The following CYFIP2 variants were observed in gnomAD, a reference collection of about 807,000 sequenced individuals.
CYFIP2 encodes the protein cytoplasmic FMR1 interacting protein 2, also known as cytoplasmic FMR1-interacting protein 2.
In CYFIP2, 29 loss-of-function variants were observed where a neutral mutation model predicts 158.7. That is an observed-to-expected ratio of 0.18 (90% CI 0.14 to 0.25). The LOEUF is 0.25. Among genes scored for constraint, CYFIP2 ranks in the 10% least tolerant of loss-of-function variants. The pLI, the probability that CYFIP2 is intolerant of heterozygous loss-of-function variation, is 1.00. For synonymous variants in CYFIP2, 585 were observed against 617.6 expected (o/e 0.95, Z 0.78); for missense variants, 852 against 1,639.5 (o/e 0.52, Z 8.29).
rs1021613812 is a variant in CYFIP2, at chr5:157,266,848, G to C, written c.-24+653G>C. The C allele has an allele frequency of 2.6e-5, 4 of 153,204 alleles. No homozygotes were observed. Among genetic ancestry groups the C allele is most frequent in the Middle Eastern group, 3.3e-3 (1 of 306 alleles). The allele number at this position is 153,204 out of a possible 1,614,324, so 9.5% of individuals were successfully genotyped here. On this transcript the variant is annotated intron_variant, in intron 1 of 30. Coordinates refer to ENST00000620254, the MANE Select transcript of CYFIP2 (RefSeq NM_001037333.3). The surrounding 1 kb of genome is among the most constrained non-coding windows in gnomAD (Gnocchi z 4.2). ...GGGCACGGTGGAAGTGGGGGAAGGG[G>C]ATGAGTGGGCTGACTCCTGGGGGAA... is the stretch of plus-strand genomic sequence containing the variant.
rs1447265963 is a variant in CYFIP2 at position 157,361,108 on chromosome 5, G to A, written c.2909-360G>A. 1.3e-5 allele frequency among the ~76,000 whole-genome samples: 2 copies of A among 152,170 alleles called. No homozygotes were observed. The highest frequency in any genetic ancestry group is 2.9e-5 in the Non-Finnish European group (2 of 68,028). ...TTAAATGAGATATTACAGATAAAGT[G>A]CTCAGCACAATATCTGACACCTACT... On this transcript the variant is annotated intron_variant, in intron 25 of 30. Transcript: ENST00000620254. The surrounding 1 kb of genome is among the most constrained non-coding windows in gnomAD (Gnocchi z 4.4).
chr5:157,351,939 T>C (rs1189972203), intron 23 of CYFIP2, among the ~76,000 whole-genome samples: 2 of 152,202 alleles, frequency 1.3e-5, no homozygotes, highest in African/African-American at 4.8e-5. Flanking sequence ...TTTCCTCTTC[T>C]GAACAGGCCC....
At chr5:157,317,339 G>A (rs1208279157) in intron 13 of CYFIP2, among the ~76,000 whole-genome samples, 2 of 152,160 alleles carry the variant, frequency 1.3e-5, no homozygotes, top group Non-Finnish European at 2.9e-5. Flanking sequence ...CAAAGCAAAA[G>A]TAGTAACCTG....
intron 1 of CYFIP2, among the ~76,000 whole-genome samples, chr5:157,278,870 T>A (rs10463005): frequency 1.3e-5 from 2 of 152,050 alleles, no homozygotes; most frequent in African/African-American, 4.8e-5. Context: ...ACTCTCTACC[T>A]GAGTCAGCAT....
chr5:157,332,819 T>A (rs58627656), intron 20 of CYFIP2, among the ~76,000 whole-genome samples: 1 of 152,270 alleles, frequency 6.6e-6, no homozygotes, highest in East Asian at 1.9e-4. Context: ...TAATTTTTTT[T>A]ATTTTTTGTA....
chr5:157,310,712 G>A (rs1759642366), intron 10 of CYFIP2, among the ~76,000 whole-genome samples: 1 of 152,230 alleles, frequency 6.6e-6, no homozygotes, highest in South Asian at 2.1e-4. Flanking sequence ...GGGGTTGGGT[G>A]TGAGGGGCCG....
At chr5:157,320,357 C>A (rs1236302072) in intron 14 of CYFIP2, among the ~76,000 whole-genome samples, 1 of 152,190 alleles carries the variant, frequency 6.6e-6, no homozygotes, top group Non-Finnish European at 1.5e-5. Flanking sequence ...AAAGGAAATA[C>A]AGACCTCTTG....
intron 1 of CYFIP2, among the ~76,000 whole-genome samples, chr5:157,272,108 A>C (rs2113806464): frequency 6.6e-6 from 1 of 152,342 alleles, no homozygotes; most frequent in East Asian, 1.9e-4. Context: ...GCAAAATGGC[A>C]AACGAAGGGG....
chr5:157,290,621 G>C (rs1365983219), intron 3 of CYFIP2, among the ~76,000 whole-genome samples: 1 of 152,174 alleles, frequency 6.6e-6, no homozygotes, highest in Non-Finnish European at 1.5e-5. Context: ...AGACATCTTG[G>C]GGGGACCATT....
chr5:157,300,640 G>C, intron 5 of CYFIP2, 75 bp from the exon 6 acceptor site: 1 of 1,248,468 alleles, frequency 8.0e-7, no homozygotes, highest in Non-Finnish European at 1.0e-6. Flanking sequence ...GCTCTGAGGA[G>C]GGCCCTAGAG....
rs1241385487 is a variant in CYFIP2, at chr5:157,294,799, A to C, written c.224A>C (p.Glu75Ala). Reference sequence around the variant, plus strand: ...CCATTTCAGAATGAGATGCTGGAGGAAGGACATGAGTATGCGGTCATGCTG... The same window carrying C: ...CCATTTCAGAATGAGATGCTGGAGGCAGGACATGAGTATGCGGTCATGCTG... ...VHSSMNEMLE[E>A]GHEYAVMLYT... The change falls in exon 4 of 31, where the codon GAA becomes GCA. Residue 75 changes from glutamate to alanine, a missense_variant. Transcript: ENST00000620254. 32 of 1,613,446 alleles carry C rather than the reference A, an allele frequency of 2.0e-5. No individual in the cohort carries two copies. The highest frequency in any genetic ancestry group is 2.5e-5 in the Non-Finnish European group (30 of 1,179,666).
At chr5:157,298,980 A>G (rs891822985) in intron 5 of CYFIP2, among the ~76,000 whole-genome samples, 22 of 152,148 alleles carry the variant, frequency 1.4e-4, no homozygotes, top group African/African-American at 5.1e-4. Flanking sequence ...GTTGATGGAC[A>G]TTGGTTTATT....
intron 23 of CYFIP2, chr5:157,343,431 A>G (rs752699567): frequency 1.9e-6 from 3 of 1,614,160 alleles, no homozygotes; most frequent in Non-Finnish European, 2.5e-6. Context: ...ATGCTGTTCC[A>G]GTTGGGCCTG....
At chr5:157,387,111 A>G (rs949116206) in intron 28 of CYFIP2, among the ~76,000 whole-genome samples, 1 of 152,236 alleles carries the variant, frequency 6.6e-6, no homozygotes, top group Non-Finnish European at 1.5e-5. Flanking sequence ...AGAAAAAAGC[A>G]ACATAGTAAT....
intron 28 of CYFIP2, 102 bp from the exon 29 acceptor site, chr5:157,389,087 A>G (rs1581209577): frequency 3.4e-6 from 4 of 1,172,062 alleles, no homozygotes; most frequent in East Asian, 2.6e-5. Flanking sequence ...TGGTGAACCA[A>G]TTTCAGGTGC....
At chr5:157,358,421 T>G (rs1457587576) in intron 23 of CYFIP2, among the ~76,000 whole-genome samples, 1 of 152,208 alleles carries the variant, frequency 6.6e-6, no homozygotes, top group Non-Finnish European at 1.5e-5. Flanking sequence ...AACCACTGAC[T>G]TAATCCAACC....
Position 157,361,557 on chromosome 5 carries a change from G to A in CYFIP2, c.2998G>A (p.Gly1000Ser). The A allele has an allele frequency of 6.2e-7, 1 of 1,614,014 alleles. No homozygotes were observed. Among genetic ancestry groups the A allele is most frequent in the Non-Finnish European group, 8.5e-7 (1 of 1,179,968 alleles). The change falls in exon 26 of 31, where the codon GGC (glycine) becomes AGC (serine). Residue 1000 changes from glycine (G) to serine (S), a missense_variant. Around this residue, in one of 8 missense-constraint regions of CYFIP2, gnomAD observed 223 missense variants for 381.6 expected, o/e 0.58. Transcript: ENST00000620254. This position sits in a 1 kb window ranked among gnomAD's most constrained non-coding sequence, Gnocchi z 4.4. ...TDVFQSLREV[G>S]NAILFCLLIE... ...CGTGTTCCAGAGCCTGAGGGAAGTG[G>A]GCAATGCCATCCTCTTCTGCCTCCT...
chr5:157,307,655 G>GTGTGTA (rs775613889), intron 8 of CYFIP2, 106 bp from the exon 9 acceptor site: 4 of 614,072 alleles, frequency 6.5e-6, no homozygotes, highest in Non-Finnish European at 1.2e-5. Flanking sequence ...GTGTGTGTGT[G>GTGTGTA]TATGTGTGTG....
intron 30 of CYFIP2, 39 bp downstream of exon 30, chr5:157,390,707 G>T: frequency 1.3e-6 from 2 of 1,565,418 alleles, no homozygotes; most frequent in Admixed American, 1.9e-5. Flanking sequence ...AGGTGGGGCT[G>T]GGCTGACAAC....
Sources: allele counts gnomAD v4.1 joint callset (sites outside exome capture counted in the v4.1 genomes callset), GRCh38; gene constraint gnomAD v4.1.1; regional missense constraint gnomAD v4.1.1; non-coding constraint Gnocchi (gnomAD v3.1); transcripts MANE v1.5; gene names NCBI Gene and HGNC (gene_info 2026-07-23, HGNC 2026-07-21).